Variants in MIDN observed in about 807,000 individuals in gnomAD.
MIDN encodes the protein midbrain nucleolar protein.
MIDN carries 26 observed loss-of-function variants against 46.1 expected under a neutral mutation model. That is an observed-to-expected ratio of 0.56 (90% CI 0.41 to 0.78). MIDN has a LOEUF of 0.78. Ranked by LOEUF, MIDN falls within the 30% of genes least tolerant of loss-of-function variation. MIDN has a pLI of 0.00. For missense variants in MIDN, 850 were observed against 771.8 expected, an observed-to-expected ratio of 1.10 and a Z score of -1.20; for synonymous variants, 432 against 343.3, an observed-to-expected ratio of 1.26 and a Z score of -2.86.
intron 8 of MIDN, among the ~76,000 whole-genome samples, chr19:1,256,681 T>C (rs558112180): frequency 6.6e-6 from 1 of 152,198 alleles, no homozygotes; most frequent in African/African-American, 2.4e-5. Flanking sequence ...GCCCAGCTAA[T>C]TTTGTAATTT....
Position 1,254,301 on chromosome 19 carries a change from C to T in MIDN, c.648C>T (p.Ala216=), listed in dbSNP as rs577101905. The T allele has an allele frequency of 1.2e-4, 186 of 1,568,102 alleles. 1 individual carries two copies. The African/African-American group carries it at 2.0e-3, about 17-fold the overall frequency. ...LQHRHVLAAA[A]AAAAARGDPS... The stretch of plus-strand genomic sequence containing the variant: ...ACCGCCATGTGCTGGCCGCTGCGGC[C>T]GCCGCCGCTGCTGCGCGGGGGGACC... The change falls in exon 6 of 9, where the codon GCC becomes GCT. Residue 216 remains alanine (A), a synonymous_variant. Coordinates refer to ENST00000682408, the MANE Select transcript of MIDN (RefSeq NM_001388306.1).
Position 1,255,601 on chromosome 19 carries a change from G to T in MIDN, c.1165G>T (p.Ala389Ser), listed in dbSNP as rs572411883. The change falls in exon 8 of 9, where the codon GCC becomes TCC. Residue 389 changes from alanine (A) to serine (S), a missense_variant. Physicochemically the swap from Ala to Ser is moderately conservative, Grantham distance 99. Coordinates refer to ENST00000682408, the MANE Select transcript of MIDN (RefSeq NM_001388306.1). Reference sequence around the variant, plus strand: ...CCCGGCCTCACCGGCCCCCGACCTGGCCCCCAGAACTACCTCCTGCGAGAA... The same window carrying T: ...CCCGGCCTCACCGGCCCCCGACCTGTCCCCCAGAACTACCTCCTGCGAGAA... ...CSPASPAPDLAPRTTSCEKLT... is the reference protein window; with the variant it reads ...CSPASPAPDLSPRTTSCEKLT... 1.2e-6 allele frequency: 2 copies of T among 1,609,872 alleles called. No homozygotes were observed. Among genetic ancestry groups the T allele is most frequent in the African/African-American group, 1.3e-5 (1 of 75,032 alleles).
intron 2 of MIDN, 96 bp downstream of exon 2, chr19:1,250,625 A>G: frequency 1.7e-6 from 1 of 597,698 alleles, no homozygotes; most frequent in Non-Finnish European, 2.2e-6. Flanking sequence ...GGGGGCGGCC[A>G]GACAGGGGGC....
Position 1,253,191 on chromosome 19 carries a change from C to T in MIDN, c.385-763C>T, listed in dbSNP as rs1405929662. Among the ~76,000 whole-genome samples, 8 of 151,534 alleles carry T rather than the reference C, an allele frequency of 5.3e-5. No individual in the cohort carries two copies. In the South Asian group the frequency reaches 6.3e-4, roughly 12 times the overall value. ...TCCAGCTGCTCTCGGGAAGCCACCC[C>T]GGGCCCTTCCTGCAAAGGCTGTCTT... On this transcript the variant is annotated intron_variant, in intron 4 of 8. Transcript: ENST00000682408.
At chr19:1,251,158 G>A (rs2081122741) in intron 2 of MIDN, 1 of 171,132 alleles carries the variant, frequency 5.8e-6, no homozygotes, top group South Asian at 1.1e-4. Flanking sequence ...AACCCCCAGG[G>A]CCTCTCCTCG....
intron 2 of MIDN, among the ~76,000 whole-genome samples, chr19:1,250,913 C>T (rs1007936835): frequency 1.3e-5 from 2 of 151,770 alleles, no homozygotes; most frequent in African/African-American, 2.4e-5. Flanking sequence ...ACTTGCGTCT[C>T]TCTCCCCCCC....
chr19:1,249,158 G>T (rs957084897), intron 1 of MIDN, among the ~76,000 whole-genome samples: 1 of 149,658 alleles, frequency 6.7e-6, no homozygotes, highest in Non-Finnish European at 1.5e-5. Context: ...GTCACGGCTC[G>T]AGCGGGCGCG....
rs2081232754 is a variant in MIDN at position 1,258,799 on chromosome 19, A to T, written c.*1527A>T. The T allele has an allele frequency of 6.6e-6, 1 of 152,096 alleles. No homozygotes were observed. Among genetic ancestry groups the T allele is most frequent in the African/African-American group, 2.4e-5 (1 of 41,432 alleles). 9.4% of individuals were successfully genotyped at this position (152,096 alleles called of 1,614,324 possible). A position where few individuals can be genotyped will look rare whatever the true frequency, so the allele number is the denominator to read the frequency against. ...GTTTTGTTTTCATTTTTCCAAAAAA[A>T]AAAGAAAAAAAAATAGAAAAAAAAG... On this transcript the variant is annotated 3_prime_UTR_variant, in exon 9 of 9. Coordinates refer to ENST00000682408, the MANE Select transcript of MIDN (RefSeq NM_001388306.1).
chr19:1,251,633 T>C lies in MIDN; in HGVS notation c.305T>C (p.Val102Ala). The change falls in exon 3 of 9, where the codon GTG becomes GCG. Residue 102 changes from valine (V) to alanine (A), a missense_variant. Physicochemically the swap from Val to Ala is moderately conservative, Grantham distance 64. Coordinates refer to ENST00000682408, the MANE Select transcript of MIDN (RefSeq NM_001388306.1). ...DGSKLTLVPT[V>A]EAGLMSQASR... Reference sequence around the variant, plus strand: ...AGCAAGCTGACCTTGGTACCCACCGTGGAAGCGGGCCTCATGGTAAATGGC... The same window carrying C: ...AGCAAGCTGACCTTGGTACCCACCGCGGAAGCGGGCCTCATGGTAAATGGC... The C allele has an allele frequency of 6.2e-7, 1 of 1,609,754 alleles. No homozygotes were observed. Among genetic ancestry groups the C allele is most frequent in the East Asian group, 2.2e-5 (1 of 44,812 alleles).
At position 1,249,732 on chromosome 19, in the gene MIDN, C is replaced by G. The variant is rs536506448; in HGVS notation, c.-407-158C>G. Among the ~76,000 whole-genome samples, 384 of 149,948 alleles carry G rather than the reference C, an allele frequency of 2.6e-3. 1 individual carries two copies. Among genetic ancestry groups the G allele is most frequent in the Non-Finnish European group, 4.3e-3 (292 of 67,236 alleles). ...CACGTGGGGCGGTGCCGCGGCGGCT[C>G]TCATAGGCCCGGGCTCGCGGCCGAC... On this transcript the variant is annotated intron_variant, in intron 1 of 8. Transcript: ENST00000682408.
chr19:1,256,757 G>A (rs1300026457), intron 8 of MIDN, among the ~76,000 whole-genome samples: 1 of 152,156 alleles, frequency 6.6e-6, no homozygotes, highest in East Asian at 1.9e-4. Context: ...GCCCAGGCCT[G>A]TCTCGAACTC....
At chr19:1,252,189 G>A (rs1013324984) in intron 4 of MIDN, among the ~76,000 whole-genome samples, 4 of 152,160 alleles carry the variant, frequency 2.6e-5, no homozygotes, top group Non-Finnish European at 5.9e-5. Flanking sequence ...CCTCATCCCC[G>A]CTCACACCCT....
intron 7 of MIDN, 151 bp downstream of exon 7, chr19:1,255,212 C>G (rs2081183656): frequency 3.4e-6 from 4 of 1,175,296 alleles, no homozygotes; most frequent in South Asian, 3.0e-5. Context: ...GAATCCCCCA[C>G]ACACACGCCT....
intron 1 of MIDN, among the ~76,000 whole-genome samples, chr19:1,249,463 C>T (rs1240078054): frequency 6.7e-6 from 1 of 149,916 alleles, no homozygotes; most frequent in African/African-American, 2.4e-5. Context: ...GAACAATGGC[C>T]CGCGCCCCCT....
At position 1,254,306 on chromosome 19, in the gene MIDN, C is replaced by T; in HGVS notation, c.653C>T (p.Ala218Val). 1.3e-6 allele frequency: 2 copies of T among 1,569,508 alleles called. No homozygotes were observed. Among genetic ancestry groups the T allele is most frequent in the Non-Finnish European group, 1.7e-6 (2 of 1,165,228 alleles). The part of the protein sequence containing the change: ...HRHVLAAAAA[A>V]AAARGDPSIA... ...CATGTGCTGGCCGCTGCGGCCGCCG[C>T]CGCTGCTGCGCGGGGGGACCCCAGC... is the stretch of plus-strand genomic sequence containing the variant. Residue 218 changes from alanine (A) to valine (V), a missense_variant, in exon 6 of 9, where the codon GCC (alanine) becomes GTC (valine). Ala to Val is a moderately conservative substitution (Grantham distance 64, BLOSUM62 0). Transcript: ENST00000682408.
Position 1,257,238 on chromosome 19 carries a change from A to G in MIDN, c.1502A>G (p.Asn501Ser), listed in dbSNP as rs77126618. 6.2e-7 allele frequency: 1 copy of G among 1,612,076 alleles called. No individual in the cohort carries two copies. The highest frequency in any genetic ancestry group is 8.5e-7 in the Non-Finnish European group (1 of 1,179,680). The change falls in exon 9 of 9, where the codon AAC (asparagine) becomes AGC (serine). Residue 501 changes from asparagine (N) to serine (S), a missense_variant. Transcript: ENST00000682408. The part of the protein sequence containing the change: ...FEDSVWKPEV[N>S]PDIKSEFVVA ...GACTCCGTGTGGAAGCCAGAAGTCA[A>G]CCCTGACATCAAGTCAGAGTTCGTG...
intron 4 of MIDN, 44 bp from the exon 5 acceptor site, chr19:1,253,910 C>T (rs949878469): frequency 7.3e-7 from 1 of 1,362,062 alleles, no homozygotes; most frequent in African/African-American, 1.6e-5. Context: ...CCTAGTTGGC[C>T]AGGGAGGGGC....
intron 2 of MIDN, among the ~76,000 whole-genome samples, chr19:1,250,774 C>T (rs868013959): frequency 6.6e-6 from 1 of 151,736 alleles, no homozygotes; most frequent in Non-Finnish European, 1.5e-5. Flanking sequence ...TGGGGGCGGG[C>T]AGGAATCCCA....
Position 1,251,570 on chromosome 19 carries a change from G to T in MIDN, c.242G>T (p.Ser81Ile). The change falls in exon 3 of 9, where the codon AGT becomes ATT. Residue 81 changes from serine to isoleucine, a missense_variant. Coordinates refer to ENST00000682408, the MANE Select transcript of MIDN (RefSeq NM_001388306.1). ...LALLHKDTRL[S>I]SGKLQEFGVG... ...TTCCTTCCTCCCCCCAGCCGGCTCA[G>T]TTCGGGGAAGCTGCAGGAGTTCGGC... is the stretch of plus-strand genomic sequence containing the variant. 6.2e-7 allele frequency: 1 copy of T among 1,607,874 alleles called. No homozygotes were observed. Among genetic ancestry groups the T allele is most frequent in the South Asian group, 1.1e-5 (1 of 90,512 alleles).
Sources: allele counts gnomAD v4.1 joint callset (sites outside exome capture counted in the v4.1 genomes callset), GRCh38; gene constraint gnomAD v4.1.1; transcripts MANE v1.5; gene names NCBI Gene and HGNC (gene_info 2026-07-23, HGNC 2026-07-21).